DPY19L1: variants seen among roughly 807,000 people sequenced by gnomAD.
DPY19L1 encodes protein C-mannosyl-transferase DPY19L1.
DPY19L1 carries 35 observed loss-of-function variants against 96.9 expected under a neutral mutation model. The observed-to-expected ratio is 0.36, with a 90% CI of 0.28 to 0.48. The LOEUF (loss-of-function observed/expected upper bound fraction) is 0.48. Among genes scored for constraint, DPY19L1 ranks in the 20% least tolerant of loss-of-function variants. The pLI is 0.99. For synonymous variants in DPY19L1, 205 were observed against 252.6 expected, an observed-to-expected ratio of 0.81 and a Z score of 1.79; for missense variants, 521 against 777.9, an observed-to-expected ratio of 0.67 and a Z score of 3.93.
intron 14 of DPY19L1, among the ~76,000 whole-genome samples, chr7:34,947,957 T>C (rs2128783712): frequency 6.6e-6 from 1 of 152,310 alleles, no homozygotes; most frequent in South Asian, 2.1e-4. Context: ...TACTGCTCAC[T>C]TTTTGCATGC....
chr7:34,945,387 C>T (rs995232592), intron 16 of DPY19L1, among the ~76,000 whole-genome samples: 2 of 152,110 alleles, frequency 1.3e-5, no homozygotes. Flanking sequence ...ATTTACTTTC[C>T]CTGCTGAAAT....
At chr7:34,998,442 A>T (rs574968663) in intron 6 of DPY19L1, among the ~76,000 whole-genome samples, 1 of 152,200 alleles carries the variant, frequency 6.6e-6, no homozygotes. Context: ...GGATGAAGTA[A>T]GGAAAAGGGA....
rs1584224768 is a variant in DPY19L1 at position 34,966,832 on chromosome 7, A to C, written c.1092+62T>G. On this transcript the variant is annotated intron_variant, in intron 10 of 21. Transcript: ENST00000638088. ...CAACTAGTTTCAACCATGAACAAAT[A>C]AAATATTAATCAGGAGTTTTAAGGG... The C allele has an allele frequency of 2.1e-5, 29 of 1,369,478 alleles. No individual in the cohort carries two copies. In the East Asian group the frequency reaches 2.2e-4, roughly 10 times the overall value. 84.8% of individuals were successfully genotyped at this position (1,369,478 alleles called of 1,614,324 possible).
chr7:34,965,819 T>C (rs893278236), intron 10 of DPY19L1, among the ~76,000 whole-genome samples: 1 of 152,156 alleles, frequency 6.6e-6, no homozygotes, highest in African/African-American at 2.4e-5. Flanking sequence ...CAACCAGCTT[T>C]AGGGTCTTTG....
At chr7:34,939,068 C>T (rs2128780990) in intron 20 of DPY19L1, 1 of 455,790 alleles carries the variant, frequency 2.2e-6, no homozygotes, top group Non-Finnish European at 3.8e-6. Context: ...AGAAGAGAGC[C>T]CCCAAAGTTG....
intron 1 of DPY19L1, among the ~76,000 whole-genome samples, chr7:35,027,668 TAAAAAAA>T (rs57262214): frequency 4.2e-5 from 3 of 71,388 alleles, no homozygotes; most frequent in Admixed American, 2.1e-4. Flanking sequence ...CCGTCTCTAC[TAAAAAAA>T]AAAAAAAAAA....
intron 7 of DPY19L1, among the ~76,000 whole-genome samples, chr7:34,989,476 T>G (rs1189730230): frequency 2.0e-5 from 3 of 151,582 alleles, no homozygotes; most frequent in African/African-American, 7.3e-5. Flanking sequence ...ACTAGCTGAG[T>G]GTGGTGATAA....
chr7:34,966,735 G>A (rs1784617070), intron 10 of DPY19L1, among the ~76,000 whole-genome samples, 159 bp downstream of exon 10: 1 of 152,152 alleles, frequency 6.6e-6, no homozygotes, highest in African/African-American at 2.4e-5. Context: ...TTTGTGAGTG[G>A]TCTATCAAAA....
rs1786090734 is a variant in DPY19L1 at position 35,025,073 on chromosome 7, T to C, written c.299-6477A>G. Among the ~76,000 whole-genome samples the C allele has an allele frequency of 2.0e-5, 3 of 152,322 alleles. No homozygotes were observed. In the South Asian group the frequency reaches 6.2e-4, roughly 32 times the overall value. On this transcript the variant is annotated intron_variant, in intron 1 of 21. Coordinates refer to ENST00000638088, the MANE Select transcript of DPY19L1 (RefSeq NM_001366673.1). ...GAAGGTAAATATCTATTTTTATATA[T>C]ACAATACAATTAAAGTACCTGGAAT...
At chr7:34,943,384 C>T (rs539114318) in intron 16 of DPY19L1, among the ~76,000 whole-genome samples, 1 of 152,256 alleles carries the variant, frequency 6.6e-6, no homozygotes, top group Non-Finnish European at 1.5e-5. Context: ...AATCCTACAA[C>T]CATTTATTAC....
chr7:34,981,438 G>A (rs559887528), intron 7 of DPY19L1, among the ~76,000 whole-genome samples: 21 of 152,232 alleles, frequency 1.4e-4, no homozygotes, highest in Admixed American at 4.6e-4. Context: ...TAAATGTTAT[G>A]GGGGAAGAGG....
intron 1 of DPY19L1, among the ~76,000 whole-genome samples, chr7:35,033,905 G>C (rs1157165981): frequency 6.6e-6 from 1 of 151,992 alleles, no homozygotes; most frequent in African/African-American, 2.4e-5. Flanking sequence ...GATACCAGTG[G>C]CATCTAGTAG....
intron 7 of DPY19L1, among the ~76,000 whole-genome samples, chr7:34,980,476 C>A (rs556216074): frequency 6.6e-6 from 1 of 151,272 alleles, no homozygotes; most frequent in South Asian, 2.1e-4. Context: ...TCTGTGTACA[C>A]AAAGATAAAA....
chr7:34,990,507 G>A (rs1785144186), intron 6 of DPY19L1, among the ~76,000 whole-genome samples: 1 of 152,106 alleles, frequency 6.6e-6, no homozygotes, highest in South Asian at 2.1e-4. Context: ...ATACACTTGA[G>A]GAATACCAAT....
At chr7:34,946,637 AACTG>A (rs1219112858) in intron 15 of DPY19L1, among the ~76,000 whole-genome samples, 1 of 152,244 alleles carries the variant, frequency 6.6e-6, no homozygotes, top group African/African-American at 2.4e-5. Context: ...ACACAGCAGG[AACTG>A]ACTCTTAACT....
At chr7:34,962,895 T>A (rs1409858672) in intron 10 of DPY19L1, among the ~76,000 whole-genome samples, 1 of 151,998 alleles carries the variant, frequency 6.6e-6, no homozygotes, top group Non-Finnish European at 1.5e-5. Flanking sequence ...ATTTTCTGCT[T>A]AATTTTGCTA....
At chr7:35,008,730 G>A (rs1444083267) in intron 6 of DPY19L1, among the ~76,000 whole-genome samples, 1 of 152,134 alleles carries the variant, frequency 6.6e-6, no homozygotes, top group Non-Finnish European at 1.5e-5. Context: ...GGTAGCATAA[G>A]TGCAGATTAG....
At chr7:35,025,597 C>T (rs1465187482) in intron 1 of DPY19L1, among the ~76,000 whole-genome samples, 4 of 152,104 alleles carry the variant, frequency 2.6e-5, no homozygotes, top group African/African-American at 9.7e-5. Context: ...AAATACAATA[C>T]AGCCAGATAT....
At chr7:35,015,467 A>G (rs534561926) in intron 3 of DPY19L1, among the ~76,000 whole-genome samples, 1 of 152,226 alleles carries the variant, frequency 6.6e-6, no homozygotes, top group Non-Finnish European at 1.5e-5. Flanking sequence ...ATTTCTGGTC[A>G]TCCTTAGTGC....
Sources: allele counts gnomAD v4.1 joint callset (sites outside exome capture counted in the v4.1 genomes callset), GRCh38; gene constraint gnomAD v4.1.1; transcripts MANE v1.5; gene names NCBI Gene and HGNC (gene_info 2026-07-23, HGNC 2026-07-21).